Variants in CNTNAP5 observed in about 807,000 individuals in gnomAD.
CNTNAP5 encodes the protein contactin-associated protein-like 5.
Under a neutral mutation model 150.2 loss-of-function variants are expected in CNTNAP5, and 72 were observed. The observed-to-expected ratio is 0.48, with a 90% CI of 0.40 to 0.58. The LOEUF (loss-of-function observed/expected upper bound fraction) is 0.58, where lower values mean the gene tolerates loss of function less well. Ranked by LOEUF, CNTNAP5 falls within the 20% of genes least tolerant of loss-of-function variation. The pLI is 0.00. For missense variants in CNTNAP5, 1,636 were observed against 1,626.2 expected (o/e 1.01, Z -0.10); for synonymous variants, 672 against 619.8 (o/e 1.08, Z -1.25).
intron 1 of CNTNAP5, among the ~76,000 whole-genome samples, chr2:124,112,046 A>T (rs1024065904): frequency 6.6e-6 from 1 of 152,202 alleles, no homozygotes; most frequent in African/African-American, 2.4e-5. Context: ...CTCAGAATAT[A>T]ATACTGGAGT....
At chr2:124,146,114 G>A (rs936334455) in intron 1 of CNTNAP5, among the ~76,000 whole-genome samples, 21 of 152,238 alleles carry the variant, frequency 1.4e-4, no homozygotes, top group Non-Finnish European at 1.9e-4. Flanking sequence ...GGGAGATGGA[G>A]GCACAGAGAG....
In CNTNAP5 at chr2:124,882,036, A is replaced by C. The variant is rs560514239; in HGVS notation, c.3436+12274A>C. On this transcript the variant is annotated intron_variant, in intron 21 of 23. Coordinates refer to ENST00000682447, the MANE Select transcript of CNTNAP5 (RefSeq NM_001367498.1). ...GCGGGATTCCCAGGGATGTGGGATTATAGGTCCTAAAACTGAAGCAGTCTT... is the reference window on the plus strand; with the variant it reads ...GCGGGATTCCCAGGGATGTGGGATTCTAGGTCCTAAAACTGAAGCAGTCTT... Among the ~76,000 whole-genome samples, 421 of 151,934 alleles carry C rather than the reference A, an allele frequency of 2.8e-3. 5 individuals are homozygous for C. The highest frequency in any genetic ancestry group is 9.1e-3 in the African/African-American group (376 of 41,402).
chr2:124,411,450 C>A (rs192025295), intron 3 of CNTNAP5, among the ~76,000 whole-genome samples: 8 of 152,036 alleles, frequency 5.3e-5, no homozygotes, highest in African/African-American at 1.9e-4. Context: ...GACCAATATC[C>A]TTGATGAGCA....
chr2:124,369,980 G>A (rs913815064), intron 3 of CNTNAP5, among the ~76,000 whole-genome samples: 1 of 152,024 alleles, frequency 6.6e-6, no homozygotes, highest in African/African-American at 2.4e-5. Context: ...ACTTGGTAAG[G>A]TTGTTGGAAA....
At chr2:124,035,254 T>C (rs900258509) in intron 1 of CNTNAP5, among the ~76,000 whole-genome samples, 10 of 152,178 alleles carry the variant, frequency 6.6e-5, no homozygotes, top group African/African-American at 2.4e-4. Context: ...GCTCCATGTA[T>C]GAAGTATCTC....
intron 18 of CNTNAP5, among the ~76,000 whole-genome samples, chr2:124,790,635 G>A (rs1339311518): frequency 6.6e-6 from 1 of 152,164 alleles, no homozygotes; most frequent in Non-Finnish European, 1.5e-5. Flanking sequence ...TGACTTGAGC[G>A]AATGTCTGAG....
chr2:124,354,074 A>T (rs968574319), intron 3 of CNTNAP5, among the ~76,000 whole-genome samples: 6 of 152,232 alleles, frequency 3.9e-5, no homozygotes, highest in South Asian at 2.1e-4. Context: ...ATACAAGTAT[A>T]TAAAAAGAAA....
intron 14 of CNTNAP5, among the ~76,000 whole-genome samples, chr2:124,755,164 T>A (rs1296146588): frequency 6.6e-6 from 1 of 151,982 alleles, no homozygotes; most frequent in East Asian, 1.9e-4. Flanking sequence ...CATCCATGAG[T>A]TCTGGAAAAC....
At chr2:124,143,693 T>C (rs1021116759) in intron 1 of CNTNAP5, among the ~76,000 whole-genome samples, 44 of 128,982 alleles carry the variant, frequency 3.4e-4, no homozygotes, top group African/African-American at 1.2e-3. Context: ...TCATACTGAA[T>C]GGGCAAAAAC....
chr2:124,604,598 T>C (rs1697059771), intron 11 of CNTNAP5, among the ~76,000 whole-genome samples: 1 of 152,220 alleles, frequency 6.6e-6, no homozygotes. Context: ...ATGAAGGTTG[T>C]TTCAGTTTTG....
chr2:124,038,921 G>C (rs188295142), intron 1 of CNTNAP5, among the ~76,000 whole-genome samples: 14 of 152,212 alleles, frequency 9.2e-5, no homozygotes, highest in African/African-American at 2.7e-4. Flanking sequence ...GCCACACTGG[G>C]TGTGCCCCAC....
At chr2:124,814,730 GAAATA>G (rs1001726237) in intron 19 of CNTNAP5, among the ~76,000 whole-genome samples, 1 of 152,116 alleles carries the variant, frequency 6.6e-6, no homozygotes, top group African/African-American at 2.4e-5. Flanking sequence ...TAAAAGCACA[GAAATA>G]AAATGAGAGT....
intron 3 of CNTNAP5, among the ~76,000 whole-genome samples, chr2:124,405,938 T>C (rs999274328): frequency 6.6e-6 from 1 of 152,238 alleles, no homozygotes; most frequent in South Asian, 2.1e-4. Flanking sequence ...AGATTTTTAA[T>C]TTTATGTTGT....
At chr2:124,564,173 G>A (rs1332817686) in intron 11 of CNTNAP5, among the ~76,000 whole-genome samples, 1 of 152,064 alleles carries the variant, frequency 6.6e-6, no homozygotes, top group Admixed American at 6.6e-5. Flanking sequence ...AAAGCACAGG[G>A]GTCCTCTGCT....
intron 2 of CNTNAP5, among the ~76,000 whole-genome samples, chr2:124,227,297 T>C (rs866897677): frequency 1.3e-5 from 2 of 152,154 alleles, no homozygotes; most frequent in African/African-American, 2.4e-5. Flanking sequence ...CTGCTTTATA[T>C]AGCCTCATTC....
At chr2:124,679,439 C>T (rs1679016137) in intron 13 of CNTNAP5, among the ~76,000 whole-genome samples, 1 of 151,870 alleles carries the variant, frequency 6.6e-6, no homozygotes, top group Admixed American at 6.7e-5. Flanking sequence ...TATGGTGACC[C>T]TCATAGAGGA....
At chr2:124,463,584 C>T (rs1693303953) in intron 6 of CNTNAP5, among the ~76,000 whole-genome samples, 2 of 152,208 alleles carry the variant, frequency 1.3e-5, no homozygotes. Context: ...CTTTTCATCT[C>T]CTCCAGGGCT....
intron 3 of CNTNAP5, among the ~76,000 whole-genome samples, chr2:124,404,150 C>G (rs1231799010): frequency 3.3e-5 from 5 of 152,128 alleles, no homozygotes; most frequent in Admixed American, 2.6e-4. Context: ...TAACATGGAC[C>G]CTTAGGCAAG....
chr2:124,368,760 T>A (rs1041172932), intron 3 of CNTNAP5, among the ~76,000 whole-genome samples: 2 of 152,072 alleles, frequency 1.3e-5, no homozygotes, highest in Non-Finnish European at 2.9e-5. Flanking sequence ...GGAGGCCTGG[T>A]TTGCATTCCT....
Sources: allele counts gnomAD v4.1 joint callset (sites outside exome capture counted in the v4.1 genomes callset), GRCh38; gene constraint gnomAD v4.1.1; transcripts MANE v1.5; gene names NCBI Gene and HGNC (gene_info 2026-07-23, HGNC 2026-07-21).